The following TENM1 variants were observed in gnomAD, a reference collection of about 807,000 sequenced individuals.
TENM1 encodes teneurin transmembrane protein 1, also known as teneurin-1.
TENM1 carries 35 observed loss-of-function variants against 174.8 expected under a neutral mutation model. The observed-to-expected ratio is 0.20, with a 90% confidence interval of 0.15 to 0.27. The LOEUF (loss-of-function observed/expected upper bound fraction) is 0.27. Among genes scored for constraint, TENM1 ranks in the 10% least tolerant of loss-of-function variants. The pLI, the probability that TENM1 is intolerant of heterozygous loss-of-function variation, is 1.00. For missense variants in TENM1, 1,633 were observed against 2,130.1 expected (o/e 0.77, Z 4.59); for synonymous variants, 781 against 798.7 (o/e 0.98, Z 0.37).
chrX:124,428,689 G>A (rs776247205), intron 23 of TENM1, among the ~76,000 whole-genome samples: 2 of 110,867 alleles, frequency 1.8e-5, no homozygotes, highest in Non-Finnish European at 3.8e-5. Context: ...CCAGTGCCTG[G>A]CACATAGTAA....
intron 11 of TENM1, among the ~76,000 whole-genome samples, chrX:124,572,825 A>C (rs1243277983): frequency 9.0e-6 from 1 of 111,670 alleles, no homozygotes; most frequent in Non-Finnish European, 1.9e-5. Context: ...ATACTCCTTT[A>C]CATAAAATTT....
intron 27 of TENM1, among the ~76,000 whole-genome samples, chrX:124,404,522 C>G (rs2060440208): frequency 8.9e-6 from 1 of 111,763 alleles, no homozygotes; most frequent in Non-Finnish European, 1.9e-5. Flanking sequence ...CCCTCTGGCC[C>G]TGGATATGTA....
chrX:125,103,191 C>T, the TENM1 span, among the ~76,000 whole-genome samples: 1 of 111,742 alleles, frequency 8.9e-6, no homozygotes, highest in Non-Finnish European at 1.9e-5. Flanking sequence ...TTTTTAAAAA[C>T]CCAATCATGA....
intron 25 of TENM1, among the ~76,000 whole-genome samples, chrX:124,415,982 C>T (rs772502216): frequency 2.1e-4 from 24 of 111,695 alleles, no homozygotes; most frequent in Admixed American, 1.8e-3. Flanking sequence ...CTTCTGTTTA[C>T]TCTGTTTCTC....
chrX:124,969,763 A>C, the TENM1 span, among the ~76,000 whole-genome samples: 110 of 111,725 alleles, frequency 9.8e-4, no homozygotes, highest in Middle Eastern at 4.6e-3. Context: ...ACTCGTCTAC[A>C]CTGCTCTTCA....
intron 6 of TENM1, among the ~76,000 whole-genome samples, chrX:124,656,425 T>C (rs1315743594): frequency 8.9e-6 from 1 of 112,445 alleles, no homozygotes; most frequent in African/African-American, 3.2e-5. Context: ...AAGAAGTTGA[T>C]CTCATCCCTT....
chrX:124,468,921 T>A (rs2061269463), intron 22 of TENM1, among the ~76,000 whole-genome samples: 1 of 106,197 alleles, frequency 9.4e-6, no homozygotes, highest in Non-Finnish European at 2.0e-5. Context: ...ATTTTTACTG[T>A]TGTATAAATG....
chrX:124,882,957 A>C (rs2057325478), intron 3 of TENM1, among the ~76,000 whole-genome samples: 1 of 111,602 alleles, frequency 9.0e-6, no homozygotes, highest in East Asian at 2.8e-4. Flanking sequence ...CATTGTAGAG[A>C]TCTTTCACCT....
chrX:124,582,853 C>T (rs1017192474), intron 11 of TENM1, among the ~76,000 whole-genome samples: 2 of 112,327 alleles, frequency 1.8e-5, no homozygotes, highest in Admixed American at 1.9e-4. Context: ...TTCTGACAGG[C>T]TTAAAAAACG....
chrX:124,841,685 A>G (rs552522766), intron 3 of TENM1, among the ~76,000 whole-genome samples: 1 of 109,418 alleles, frequency 9.1e-6, no homozygotes, highest in South Asian at 4.0e-4. Context: ...TCAGCATACC[A>G]CCTACTGGTC....
At chrX:125,092,689 T>C in the TENM1 span, among the ~76,000 whole-genome samples, 112 of 111,301 alleles carry the variant, frequency 1.0e-3, no homozygotes, top group South Asian at 1.5e-3. Context: ...TACCAGAAAA[T>C]AATAAGGAAC....
At chrX:124,745,557 T>C (rs1480852843) in intron 3 of TENM1, among the ~76,000 whole-genome samples, 1 of 111,345 alleles carries the variant, frequency 9.0e-6, no homozygotes, top group African/African-American at 3.3e-5. Flanking sequence ...AGTGCCACTC[T>C]CACTGAGTTG....
At chrX:124,948,186 T>C (rs1231662947) in intron 1 of TENM1, among the ~76,000 whole-genome samples, 2 of 112,037 alleles carry the variant, frequency 1.8e-5, no homozygotes, top group East Asian at 5.6e-4. Context: ...TTGGTAGTAA[T>C]TGGATCATAA....
chrX:124,797,775 C>A (rs1427232165), intron 3 of TENM1, among the ~76,000 whole-genome samples: 1 of 109,572 alleles, frequency 9.1e-6, no homozygotes, highest in East Asian at 2.9e-4. Context: ...TGGTTTTCTG[C>A]ACCTATCAAC....
chrX:124,968,059 T>C (rs1466517706), upstream of TENM1, among the ~76,000 whole-genome samples: 2 of 112,150 alleles, frequency 1.8e-5, no homozygotes, highest in African/African-American at 6.5e-5. Context: ...ATACTCAAAG[T>C]AGAGTTTAGG....
intron 1 of TENM1, among the ~76,000 whole-genome samples, chrX:124,959,150 TGA>T (rs1425539039): frequency 7.2e-5 from 8 of 111,737 alleles, no homozygotes; most frequent in Non-Finnish European, 1.5e-4. Context: ...CATTTTTTTC[TGA>T]CTCACAGGTG....
At chrX:124,467,323 AG>A (rs1174109694) in intron 22 of TENM1, among the ~76,000 whole-genome samples, 1 of 111,986 alleles carries the variant, frequency 8.9e-6, no homozygotes, top group African/African-American at 3.2e-5. Flanking sequence ...GTGATTCCTC[AG>A]GGGGAAACTT....
At chrX:124,463,147 C>T (rs1463296852) in intron 22 of TENM1, among the ~76,000 whole-genome samples, 5 of 111,860 alleles carry the variant, frequency 4.5e-5, no homozygotes, top group African/African-American at 6.5e-5. Context: ...TGATCTCTTC[C>T]GACCTTACCA....
intron 23 of TENM1, among the ~76,000 whole-genome samples, chrX:124,424,455 A>G (rs1171054550): frequency 1.8e-5 from 2 of 112,238 alleles, no homozygotes; most frequent in Non-Finnish European, 3.8e-5. Context: ...TTTTATATCC[A>G]TTAAGCAACC....
Sources: gnomAD v4.1 joint callset for allele counts (sites outside exome capture counted in the v4.1 genomes callset) on GRCh38, gnomAD v4.1.1 for gene constraint, MANE v1.5 for transcripts, NCBI Gene and HGNC (gene_info 2026-07-23, HGNC 2026-07-21) for gene names.